The following RTN4RL1 variants were observed in gnomAD, a reference collection of about 807,000 sequenced individuals.
RTN4RL1 encodes the protein reticulon 4 receptor like 1.
RTN4RL1 carries 7 observed loss-of-function variants against 25.6 expected under a neutral mutation model. That is an observed-to-expected ratio of 0.27 (90% CI 0.16 to 0.51). The LOEUF is 0.51. RTN4RL1 is among the 20% of genes least tolerant of loss of function. The pLI is 0.97. For missense variants in RTN4RL1, 500 were observed against 615.6 expected (o/e 0.81, Z 1.99); for synonymous variants, 297 against 288.2 (o/e 1.03, Z -0.31).
chr17:2,010,317 A>C (rs995131623), intron 1 of RTN4RL1, among the ~76,000 whole-genome samples: 1 of 151,650 alleles, frequency 6.6e-6, no homozygotes, highest in African/African-American at 2.4e-5. Context: ...ATAATAATAA[A>C]AAATAAAAAA....
At position 1,998,099 on chromosome 17, in the gene RTN4RL1, G is replaced by A. The variant is rs983041821; in HGVS notation, c.13+26754C>T. Among the ~76,000 whole-genome samples the A allele has an allele frequency of 3.3e-5, 5 of 152,026 alleles. No homozygotes were observed. Among genetic ancestry groups the A allele is most frequent in the African/African-American group, 9.7e-5 (4 of 41,416 alleles). On this transcript the variant is annotated intron_variant, in intron 1 of 1. Coordinates refer to ENST00000331238, the MANE Select transcript of RTN4RL1 (RefSeq NM_178568.4). The surrounding 1 kb of genome is among the most constrained non-coding windows in gnomAD (Gnocchi z 4.9). The stretch of plus-strand genomic sequence containing the variant: ...CTCTCCCGGCCTCATTACCGAGGGA[G>A]AGCTGCCGGGGCTGGCAGGGGAGCC...
intron 1 of RTN4RL1, among the ~76,000 whole-genome samples, chr17:2,021,823 G>A (rs1046240069): frequency 9.1e-4 from 135 of 147,768 alleles, no homozygotes; most frequent in Middle Eastern, 3.5e-3. Flanking sequence ...CCAAAGTGCT[G>A]GGATTACAGG....
intron 1 of RTN4RL1, among the ~76,000 whole-genome samples, chr17:2,007,024 G>A (rs1017006907): frequency 6.6e-6 from 1 of 152,052 alleles, no homozygotes; most frequent in East Asian, 1.9e-4. Context: ...CGTGCTCTAC[G>A]GAACACATTG....
rs117389630 is a variant in RTN4RL1 at position 1,937,845 on chromosome 17, G to A, written c.14-37C>T. On this transcript the variant is annotated intron_variant, in intron 1 of 1. Transcript: ENST00000331238. ...AGAGAGCACAGCCAGGTCAGGGGCC[G>A]TGCAGGTGAGGACTGGCACCGCACC... 3,666 of 1,497,440 alleles carry A rather than the reference G, an allele frequency of 2.4e-3. 6 individuals carry two copies. Among genetic ancestry groups the A allele is most frequent in the Non-Finnish European group, 3.0e-3 (3,309 of 1,104,448 alleles). 92.8% of individuals were successfully genotyped at this position (1,497,440 alleles called of 1,614,324 possible).
intron 1 of RTN4RL1, among the ~76,000 whole-genome samples, chr17:2,023,169 C>T (rs2067231353): frequency 6.6e-6 from 1 of 152,238 alleles, no homozygotes; most frequent in Non-Finnish European, 1.5e-5. Context: ...ATGGCGGCCT[C>T]TCAGAGCTGT....
chr17:1,982,379 G>A (rs1176548452), intron 1 of RTN4RL1, among the ~76,000 whole-genome samples: 3 of 152,164 alleles, frequency 2.0e-5, no homozygotes, highest in Non-Finnish European at 2.9e-5. Flanking sequence ...TTGGGAGACC[G>A]AGGCGGGCGG....
chr17:2,005,876 A>C (rs1439923815), intron 1 of RTN4RL1, among the ~76,000 whole-genome samples: 1 of 148,160 alleles, frequency 6.7e-6, no homozygotes. Flanking sequence ...GGTTCACTGC[A>C]ACCTCCGCCA....
At chr17:1,959,895 G>C (rs892839153) in intron 1 of RTN4RL1, among the ~76,000 whole-genome samples, 1 of 152,144 alleles carries the variant, frequency 6.6e-6, no homozygotes, top group Non-Finnish European at 1.5e-5. Context: ...CTTCATAGGG[G>C]TGGGGATTAG....
chr17:1,984,701 T>G (rs1312291605), intron 1 of RTN4RL1, among the ~76,000 whole-genome samples: 1 of 152,228 alleles, frequency 6.6e-6, no homozygotes, highest in African/African-American at 2.4e-5. Context: ...GCGCCGTGGC[T>G]CACGCCTGTA....
rs1567520270 is a variant in RTN4RL1 at position 1,998,140 on chromosome 17, G to A, written c.13+26713C>T. 6.6e-6 allele frequency among the ~76,000 whole-genome samples: 1 copy of A among 152,168 alleles called. No individual in the cohort carries two copies. ...CAGGGGAGCCAGACGGCGGCGGAGG[G>A]GGCGGGGAGGCCTCCTTGGCTCCCT... is the stretch of plus-strand genomic sequence containing the variant. On this transcript the variant is annotated intron_variant, in intron 1 of 1. Coordinates refer to ENST00000331238, the MANE Select transcript of RTN4RL1 (RefSeq NM_178568.4). This position sits in a 1 kb window ranked among gnomAD's most constrained non-coding sequence, Gnocchi z 4.9.
intron 1 of RTN4RL1, among the ~76,000 whole-genome samples, chr17:1,996,033 T>C (rs561586084): frequency 2.0e-5 from 3 of 152,282 alleles, no homozygotes; most frequent in African/African-American, 7.2e-5. Flanking sequence ...GTGACAAGCA[T>C]CCCTGGGCCC....
At chr17:1,945,562 G>T (rs763891760) in intron 1 of RTN4RL1, among the ~76,000 whole-genome samples, 2 of 151,734 alleles carry the variant, frequency 1.3e-5, no homozygotes, top group Non-Finnish European at 2.9e-5. Context: ...TGTTGACCAG[G>T]CTTGTTTCAA....
intron 1 of RTN4RL1, among the ~76,000 whole-genome samples, chr17:1,967,251 A>G (rs2066795631): frequency 2.1e-5 from 2 of 93,068 alleles, no homozygotes; most frequent in Non-Finnish European, 5.4e-5. Flanking sequence ...CAAATTCGAC[A>G]AAACAAACAA....
intron 1 of RTN4RL1, among the ~76,000 whole-genome samples, chr17:1,953,602 G>A (rs1915728934): frequency 1.3e-5 from 2 of 152,022 alleles, no homozygotes; most frequent in Admixed American, 1.3e-4. Context: ...GTCTCACTCT[G>A]TCACCAGGCT....
At chr17:1,993,691 T>C (rs370635473) in intron 1 of RTN4RL1, among the ~76,000 whole-genome samples, 26 of 152,028 alleles carry the variant, frequency 1.7e-4, no homozygotes, top group African/African-American at 5.1e-4. Flanking sequence ...AAGTCCCCCA[T>C]TGCAAAGCAC....
At chr17:1,970,843 T>C (rs2066815445) in intron 1 of RTN4RL1, among the ~76,000 whole-genome samples, 1 of 152,162 alleles carries the variant, frequency 6.6e-6, no homozygotes, top group South Asian at 2.1e-4. Context: ...TCTCAAGCAG[T>C]GAGTGGTGCT....
intron 1 of RTN4RL1, 118 bp from the exon 2 acceptor site, chr17:1,937,926 G>A (rs938589049): frequency 1.4e-5 from 12 of 860,644 alleles, no homozygotes; most frequent in East Asian, 2.7e-5. Flanking sequence ...TGAGAGCCTT[G>A]TCCCTGGCTG....
At chr17:1,988,555 CA>C (rs1293215208) in intron 1 of RTN4RL1, among the ~76,000 whole-genome samples, 1 of 150,750 alleles carries the variant, frequency 6.6e-6, no homozygotes, top group Non-Finnish European at 1.5e-5. Flanking sequence ...ATTAAGTCCT[CA>C]ATGATGGAAC....
At chr17:1,962,526 G>C (rs1370481461) in intron 1 of RTN4RL1, among the ~76,000 whole-genome samples, 2 of 151,780 alleles carry the variant, frequency 1.3e-5, no homozygotes, top group African/African-American at 4.8e-5. Context: ...GCCTGGTGTA[G>C]TTTCCAGTTT....
Sources: gnomAD v4.1 joint callset for allele counts (sites outside exome capture counted in the v4.1 genomes callset) on GRCh38, gnomAD v4.1.1 for gene constraint, Gnocchi (gnomAD v3.1) non-coding constraint, MANE v1.5 for transcripts, NCBI Gene and HGNC (gene_info 2026-07-23, HGNC 2026-07-21) for gene names.